Variants in LYG2 observed in about 807,000 individuals in gnomAD.
LYG2 encodes lysozyme g-like protein 2.
LYG2 carries 25 observed loss-of-function variants against 22.4 expected under a neutral mutation model. The ratio of observed to expected loss-of-function variants is 1.12; its 90% CI spans 0.81 to 1.56. The LOEUF (loss-of-function observed/expected upper bound fraction) is 1.56, where lower values mean the gene tolerates loss of function less well. LYG2 is among the 40% of genes most tolerant of loss of function. The pLI, the probability that LYG2 is intolerant of heterozygous loss-of-function variation, is 0.00. For synonymous variants in LYG2, 88 were observed against 97.0 expected, an observed-to-expected ratio of 0.91 and a Z score of 0.55; for missense variants, 266 against 269.5, an observed-to-expected ratio of 0.99 and a Z score of 0.09.
intron 3 of LYG2, among the ~76,000 whole-genome samples, chr2:99,247,712 T>C (rs2094018714): frequency 6.6e-6 from 1 of 152,126 alleles, no homozygotes; most frequent in Non-Finnish European, 1.5e-5. Context: ...TTGCCTTTCT[T>C]AAGCCAAAAT....
intron 3 of LYG2, among the ~76,000 whole-genome samples, chr2:99,250,660 C>A (rs780901145): frequency 6.6e-5 from 10 of 152,308 alleles, no homozygotes; most frequent in Non-Finnish European, 1.0e-4. Context: ...AGGCGTGAGC[C>A]ACCACGCCTG....
chr2:99,244,017 C>A lies in LYG2; in HGVS notation c.502G>T (p.Val168Phe), dbSNP rs2105269913. The A allele has an allele frequency of 6.2e-7, 1 of 1,614,082 alleles. No homozygotes were observed. The highest frequency in any genetic ancestry group is 1.7e-4 in the Middle Eastern group (1 of 6,040). The change falls in exon 6 of 7, where the codon GTT becomes TTT. Residue 168 changes from valine (V) to phenylalanine (F), a missense_variant. Val to Phe is a conservative substitution (Grantham distance 50). Transcript: ENST00000333017. ...AIQKKFPTWS[V>F]AQHLKGGLSA... ...AGCCTACCTTTGAGGTGCTGAGCAA[C>A]ACTCCACGTGGGGAATTTTTTCTGG... is the stretch of plus-strand genomic sequence containing the variant.
intron 4 of LYG2, among the ~76,000 whole-genome samples, chr2:99,245,966 G>T (rs1173692265): frequency 6.6e-6 from 1 of 152,154 alleles, no homozygotes; most frequent in Non-Finnish European, 1.5e-5. Context: ...AAATTAGCTG[G>T]ACTTGGTGGC....
chr2:99,247,523 A>G (rs1292776429), intron 3 of LYG2, among the ~76,000 whole-genome samples: 1 of 150,842 alleles, frequency 6.6e-6, no homozygotes, highest in Non-Finnish European at 1.5e-5. Context: ...TTGGCCTTCT[A>G]TTGATCCTTC....
In LYG2 at chr2:99,254,817, G is replaced by T. The variant is rs553475241; in HGVS notation, c.-26+203C>A. Among the ~76,000 whole-genome samples, 3 of 152,230 alleles carry T rather than the reference G, an allele frequency of 2.0e-5. No individual in the cohort carries two copies. In the East Asian group the frequency reaches 5.8e-4, roughly 29 times the overall value. On this transcript the variant is annotated intron_variant, in intron 2 of 6. Transcript: ENST00000333017. ...CCTGAGTAGCTGGGGCGACATATGCGTGCCACCATGCCTGGGTGTTTCCAT... is the reference window on the plus strand; with the variant it reads ...CCTGAGTAGCTGGGGCGACATATGCTTGCCACCATGCCTGGGTGTTTCCAT...
rs2094007924 is a variant in LYG2, at chr2:99,242,341, C to G, written c.*23G>C. 1 of 1,516,524 alleles carries G rather than the reference C, an allele frequency of 6.6e-7. No homozygotes were observed. The highest frequency in any genetic ancestry group is 1.2e-5 in the South Asian group (1 of 86,580). 93.9% of individuals were successfully genotyped at this position (1,516,524 alleles called of 1,614,324 possible). A position where few individuals can be genotyped will look rare whatever the true frequency, so the allele number is the denominator to read the frequency against. On this transcript the variant is annotated 3_prime_UTR_variant, in exon 7 of 7. Transcript: ENST00000333017. ...GCGGCCATCTGAGCACTCTGCCAAC[C>G]TGGCCCACCCACAGAGCTTTGCCTA...
intron 6 of LYG2, chr2:99,243,692 GCTTT>G: frequency 2.7e-6 from 1 of 365,592 alleles, no homozygotes; most frequent in South Asian, 4.2e-5. Flanking sequence ...ACCATGCCCA[GCTTT>G]TTTTTTTTTT....
chr2:99,242,737 T>C (rs1456122913), intron 6 of LYG2, among the ~76,000 whole-genome samples: 1 of 152,172 alleles, frequency 6.6e-6, no homozygotes, highest in Non-Finnish European at 1.5e-5. Flanking sequence ...TTTTATGTAA[T>C]CCAGGCCTGG....
chr2:99,257,316 A>G (rs1365135107), upstream of LYG2, among the ~76,000 whole-genome samples: 1 of 152,242 alleles, frequency 6.6e-6, no homozygotes, highest in Admixed American at 6.5e-5. Flanking sequence ...TGTAGTTAAT[A>G]CGCACTGACC....
upstream of LYG2, among the ~76,000 whole-genome samples, chr2:99,260,389 A>G (rs1225907298): frequency 6.6e-6 from 1 of 152,232 alleles, no homozygotes; most frequent in Non-Finnish European, 1.5e-5. Flanking sequence ...CCATCAGCAT[A>G]ATCAATTTTA....
chr2:99,254,671 TTTCA>T (rs1385138205), intron 2 of LYG2, among the ~76,000 whole-genome samples: 1 of 152,174 alleles, frequency 6.6e-6, no homozygotes, highest in Non-Finnish European at 1.5e-5. Flanking sequence ...AGTTTTGGTC[TTTCA>T]TTCATTTATT....
upstream of LYG2, among the ~76,000 whole-genome samples, chr2:99,258,219 G>A (rs954687394): frequency 6.6e-6 from 1 of 152,180 alleles, no homozygotes. Flanking sequence ...TAACCTCCCT[G>A]AGCCTTAATT....
At position 99,242,396 on chromosome 2, in the gene LYG2, G is replaced by C. The variant is rs763766144; in HGVS notation, c.607C>G (p.Arg203Gly). Residue 203 changes from arginine to glycine, a missense_variant, in exon 7 of 7, where the codon CGA becomes GGA. By Grantham distance (125) the Arg-to-Gly change is moderately radical. Transcript: ENST00000333017. Reference sequence around the variant, plus strand: ...CTTTGTCTTTTATAGAACTTAGCTCGAGCAATGATATCATTGACGAAGTCA... The same window carrying C: ...CTTTGTCTTTTATAGAACTTAGCTCCAGCAATGATATCATTGACGAAGTCA... ...DNDFVNDIIARAKFYKRQSF is the reference protein window; with the variant it reads ...DNDFVNDIIAGAKFYKRQSF 2 of 1,613,214 alleles carry C rather than the reference G, an allele frequency of 1.2e-6. No homozygotes were observed. The highest frequency in any genetic ancestry group is 1.7e-6 in the Non-Finnish European group (2 of 1,179,396).
chr2:99,246,085 G>A (rs746531409), intron 4 of LYG2, among the ~76,000 whole-genome samples: 3 of 152,146 alleles, frequency 2.0e-5, no homozygotes, highest in Non-Finnish European at 2.9e-5. Context: ...TCCAGCCTGG[G>A]TGACAAAGCA....
intron 3 of LYG2, among the ~76,000 whole-genome samples, chr2:99,247,935 A>G (rs931122320): frequency 2.0e-5 from 3 of 152,156 alleles, no homozygotes; most frequent in Non-Finnish European, 2.9e-5. Context: ...ATGAACAGAC[A>G]CTTCTCAAAA....
chr2:99,259,959 C>CTT (rs56186823), upstream of LYG2, among the ~76,000 whole-genome samples: 11 of 114,894 alleles, frequency 9.6e-5, no homozygotes, highest in East Asian at 5.1e-4. Flanking sequence ...CAAAAGTAAA[C>CTT]TTTTTTTTTT....
chr2:99,258,976 G>GCA (rs2094042098), upstream of LYG2, among the ~76,000 whole-genome samples: 1 of 151,986 alleles, frequency 6.6e-6, no homozygotes, highest in Non-Finnish European at 1.5e-5. Flanking sequence ...TACACATCAG[G>GCA]GAAATGCAAA....
intron 3 of LYG2, among the ~76,000 whole-genome samples, chr2:99,251,028 G>A (rs753383686): frequency 6.6e-6 from 1 of 152,178 alleles, no homozygotes; most frequent in South Asian, 2.1e-4. Context: ...TATATTTTGT[G>A]TGATTTGCTC....
rs569115231 is a variant in LYG2, at chr2:99,253,858, T to C, written c.43+360A>G. On this transcript the variant is annotated intron_variant, in intron 3 of 6. Coordinates refer to ENST00000333017, the MANE Select transcript of LYG2 (RefSeq NM_175735.4). ...AGTGCTTTTTTCCCACCTATACACATTGAACTCTCATCCACTGCTTGGCAT... is the reference window on the plus strand; with the variant it reads ...AGTGCTTTTTTCCCACCTATACACACTGAACTCTCATCCACTGCTTGGCAT... Among the ~76,000 whole-genome samples the C allele has an allele frequency of 1.6e-4, 25 of 152,240 alleles. No homozygotes were observed. In the East Asian group the frequency reaches 4.8e-3, roughly 29 times the overall value.
Sources: allele counts gnomAD v4.1 joint callset (sites outside exome capture counted in the v4.1 genomes callset), GRCh38; gene constraint gnomAD v4.1.1; transcripts MANE v1.5; gene names NCBI Gene and HGNC (gene_info 2026-07-23, HGNC 2026-07-21).